RNU5A-1: variants seen among roughly 807,000 people sequenced by gnomAD.
RNU5A-1 encodes the protein RNA, U5A small nuclear 1, also known as RNA, U5C small nuclear.
chr15:65,296,135 C>G (rs1384044928), exon 1 of RNU5A-1: 1 of 152,114 alleles, frequency 6.6e-6, no homozygotes. Flanking sequence ...GAGTCTTAAC[C>G]CAATTTTTTG....
At chr15:65,296,165 CTA>C (rs1243290148) in exon 1 of RNU5A-1, 1 of 152,180 alleles carries the variant, frequency 6.6e-6, no homozygotes, top group African/African-American at 2.4e-5. Flanking sequence ...TTTGGCAAGG[CTA>C]TATGTGGTAA....
chr15:65,296,054 C>G (rs142693766), exon 1 of RNU5A-1: 1 of 152,154 alleles, frequency 6.6e-6, no homozygotes, highest in Non-Finnish European at 1.5e-5. Flanking sequence ...AACTGGTATA[C>G]TCTGGTTTCT....
chr15:65,296,123 C>T lies in RNU5A-1; in HGVS notation n.73C>T, dbSNP rs144469323. ...AAGATTTCCGTGGAGAGGAACAACT[C>T]TGAGTCTTAACCCAATTTTTTGAGG... On this transcript the variant is annotated non_coding_transcript_exon_variant, in exon 1 of 1. Transcript: ENST00000362698. 3.3e-5 allele frequency: 5 copies of T among 152,156 alleles called. No homozygotes were observed. Among genetic ancestry groups the T allele is most frequent in the East Asian group, 1.9e-4 (1 of 5,196 alleles). 9.4% of individuals were successfully genotyped at this position (152,156 alleles called of 1,614,324 possible). A position where few individuals can be genotyped will look rare whatever the true frequency, so the allele number is the denominator to read the frequency against.
exon 1 of RNU5A-1, chr15:65,296,158 G>C (rs369983614): frequency 6.6e-6 from 1 of 152,150 alleles, no homozygotes; most frequent in African/African-American, 2.4e-5. Flanking sequence ...GCCTTGCTTT[G>C]GCAAGGCTAT....
chr15:65,296,129 C>CT (rs1262015918), exon 1 of RNU5A-1: 1 of 152,184 alleles, frequency 6.6e-6, no homozygotes, highest in Non-Finnish European at 1.5e-5. Flanking sequence ...AACTCTGAGT[C>CT]TTAACCCAAT....
chr15:65,296,103 T>A (rs973691986), exon 1 of RNU5A-1: 32 of 152,218 alleles, frequency 2.1e-4, no homozygotes, highest in Admixed American at 1.7e-3. Flanking sequence ...TACTAAAGAT[T>A]TCCGTGGAGA....
chr15:65,296,081 T>C (rs1221557516), exon 1 of RNU5A-1: 1 of 152,210 alleles, frequency 6.6e-6, no homozygotes, highest in Admixed American at 6.5e-5. Flanking sequence ...ATCGCATAAA[T>C]CTTTCGCCTT....
exon 1 of RNU5A-1, chr15:65,296,128 T>G (rs566078606): frequency 1.3e-5 from 2 of 152,192 alleles, no homozygotes; most frequent in Non-Finnish European, 2.9e-5. Context: ...CAACTCTGAG[T>G]CTTAACCCAA....
exon 1 of RNU5A-1, chr15:65,296,154 C>T (rs376440820): frequency 6.1e-4 from 93 of 152,280 alleles, no homozygotes; most frequent in African/African-American, 1.9e-3. Flanking sequence ...TGAGGCCTTG[C>T]TTTGGCAAGG....
exon 1 of RNU5A-1, chr15:65,296,063 C>T (rs919460121): frequency 2.6e-4 from 40 of 152,324 alleles, no homozygotes; most frequent in African/African-American, 4.3e-4. Context: ...ACTCTGGTTT[C>T]TCTTCAGATC....
chr15:65,296,108 TGGAGAGGAACAAC>T (rs2090717015), exon 1 of RNU5A-1: 1 of 152,184 alleles, frequency 6.6e-6, no homozygotes, highest in African/African-American at 2.4e-5. Context: ...AAGATTTCCG[TGGAGAGGAACAAC>T]TCTGAGTCTT....
At chr15:65,296,139 T>A (rs951067134) in exon 1 of RNU5A-1, 2 of 152,208 alleles carry the variant, frequency 1.3e-5, no homozygotes, top group Non-Finnish European at 2.9e-5. Flanking sequence ...CTTAACCCAA[T>A]TTTTTGAGGC....
chr15:65,296,141 T>G (rs993008556), exon 1 of RNU5A-1: 1 of 152,224 alleles, frequency 6.6e-6, no homozygotes, highest in African/African-American at 2.4e-5. Context: ...TAACCCAATT[T>G]TTTGAGGCCT....
exon 1 of RNU5A-1, chr15:65,296,138 A>G (rs8031548): frequency 6.6e-6 from 1 of 152,182 alleles, no homozygotes; most frequent in Non-Finnish European, 1.5e-5. Context: ...TCTTAACCCA[A>G]TTTTTTGAGG....
At chr15:65,296,101 A>G (rs1017600771) in exon 1 of RNU5A-1, 12 of 152,168 alleles carry the variant, frequency 7.9e-5, no homozygotes, top group Admixed American at 4.6e-4. Flanking sequence ...TTTACTAAAG[A>G]TTTCCGTGGA....
chr15:65,296,077 T>G (rs1338610043), exon 1 of RNU5A-1: 1 of 152,248 alleles, frequency 6.6e-6, no homozygotes, highest in Non-Finnish European at 1.5e-5. Flanking sequence ...TCAGATCGCA[T>G]AAATCTTTCG....
exon 1 of RNU5A-1, chr15:65,296,150 C>G (rs537290396): frequency 6.6e-6 from 1 of 152,272 alleles, no homozygotes; most frequent in Non-Finnish European, 1.5e-5. Flanking sequence ...TTTTTGAGGC[C>G]TTGCTTTGGC....
chr15:65,296,135 C>T (rs1384044928), exon 1 of RNU5A-1: 1 of 152,114 alleles, frequency 6.6e-6, no homozygotes, highest in African/African-American at 2.4e-5. Context: ...GAGTCTTAAC[C>T]CAATTTTTTG....
At chr15:65,296,078 A>G (rs1275256793) in exon 1 of RNU5A-1, 6 of 152,358 alleles carry the variant, frequency 3.9e-5, no homozygotes, top group East Asian at 3.9e-4. Context: ...CAGATCGCAT[A>G]AATCTTTCGC....
Sources: gnomAD v4.1 joint callset for allele counts on GRCh38, gnomAD v4.1.1 for gene constraint, MANE v1.5 for transcripts, NCBI Gene and HGNC (gene_info 2026-07-23, HGNC 2026-07-21) for gene names.